LRMDA: variants seen among roughly 807,000 people sequenced by gnomAD.
LRMDA encodes leucine-rich melanocyte differentiation-associated protein.
In LRMDA, 18 loss-of-function variants were observed where a neutral mutation model predicts 29.8. The ratio of observed to expected loss-of-function variants is 0.60; its 90% CI spans 0.42 to 0.90. The LOEUF (loss-of-function observed/expected upper bound fraction) is 0.90. Among genes scored for constraint, LRMDA ranks in the 40% least tolerant of loss-of-function variants. The probability of loss-of-function intolerance (pLI) is 0.00; values close to 1 mark genes in which losing one functional copy is unlikely to be tolerated. For missense variants in LRMDA, 273 were observed against 273.9 expected (o/e 1.00, Z 0.02); for synonymous variants, 125 against 109.4 (o/e 1.14, Z -0.89).
chr10:75,922,793 C>A (rs995475876), intron 2 of LRMDA, among the ~76,000 whole-genome samples: 1 of 152,108 alleles, frequency 6.6e-6, no homozygotes, highest in African/African-American at 2.4e-5. Flanking sequence ...TGGATCTTAC[C>A]AAAGTACTCA....
intron 2 of LRMDA, among the ~76,000 whole-genome samples, chr10:75,684,592 T>C (rs892235921): frequency 5.1e-4 from 78 of 152,226 alleles, no homozygotes; most frequent in African/African-American, 1.6e-3. Context: ...AGGCAGTAGC[T>C]TAATGAAGAC....
Position 76,438,800 on chromosome 10 carries a change from GT to G in LRMDA, c.601+114318del, listed in dbSNP as rs574556193. ...AGTTAAGAAAGCTATTTCTCATGCCGTTTCATAAATTTGAATCCAAATGTAT... is the reference window on the plus strand; with the variant it reads ...AGTTAAGAAAGCTATTTCTCATGCCGTTCATAAATTTGAATCCAAATGTAT... On this transcript the variant is annotated intron_variant, in intron 6 of 6. Transcript: ENST00000611255. 7.8e-4 allele frequency: 119 copies of G among 152,186 alleles called. 1 individual carries two copies. The highest frequency in any genetic ancestry group is 3.4e-3 in the Middle Eastern group (1 of 294). 9.4% of individuals were successfully genotyped at this position (152,186 alleles called of 1,614,324 possible).
At chr10:76,284,411 G>A (rs1294043671) in intron 5 of LRMDA, among the ~76,000 whole-genome samples, 2 of 152,100 alleles carry the variant, frequency 1.3e-5, no homozygotes, top group African/African-American at 4.8e-5. Flanking sequence ...TAGGAGCTGG[G>A]AAAGGCAAGG....
intron 6 of LRMDA, among the ~76,000 whole-genome samples, chr10:76,440,890 A>G (rs1269510660): frequency 6.6e-6 from 1 of 152,194 alleles, no homozygotes. Context: ...TCTCCCCTTC[A>G]TCATGTGTCT....
At chr10:76,455,497 C>A (rs1439776433) in intron 6 of LRMDA, among the ~76,000 whole-genome samples, 2 of 152,052 alleles carry the variant, frequency 1.3e-5, no homozygotes, top group Non-Finnish European at 2.9e-5. Flanking sequence ...CCAGTAAAAA[C>A]ACTGATGGGC....
At chr10:75,725,815 G>T (rs1842624872) in intron 2 of LRMDA, among the ~76,000 whole-genome samples, 1 of 152,192 alleles carries the variant, frequency 6.6e-6, no homozygotes, top group Non-Finnish European at 1.5e-5. Context: ...GTTTGACTGG[G>T]TGGGAGGGCT....
At chr10:75,576,115 C>T (rs2132073437) in intron 2 of LRMDA, among the ~76,000 whole-genome samples, 1 of 152,348 alleles carries the variant, frequency 6.6e-6, no homozygotes, top group East Asian at 1.9e-4. Context: ...CTAAGATCCA[C>T]TGGCTTGAAA....
chr10:75,663,940 CAG>C (rs1841788223), intron 2 of LRMDA, among the ~76,000 whole-genome samples: 1 of 152,186 alleles, frequency 6.6e-6, no homozygotes, highest in Non-Finnish European at 1.5e-5. Context: ...AGAATATACT[CAG>C]GGGCCCATGT....
chr10:76,082,758 C>G (rs1460703605), intron 5 of LRMDA, among the ~76,000 whole-genome samples: 2 of 152,276 alleles, frequency 1.3e-5, no homozygotes, highest in African/African-American at 4.8e-5. Context: ...TACAGTAATT[C>G]TGGAGTACAG....
intron 5 of LRMDA, among the ~76,000 whole-genome samples, chr10:76,212,910 A>G (rs1851661672): frequency 6.6e-6 from 1 of 152,118 alleles, no homozygotes; most frequent in Non-Finnish European, 1.5e-5. Context: ...AATGTCCATA[A>G]ATTCAGTCCC....
chr10:75,726,323 G>C (rs963548446), intron 2 of LRMDA, among the ~76,000 whole-genome samples: 7 of 152,190 alleles, frequency 4.6e-5, no homozygotes, highest in Non-Finnish European at 1.0e-4. Flanking sequence ...TATAGTTAAG[G>C]ACAAGCTAGA....
chr10:76,418,099 C>T (rs184785945), intron 6 of LRMDA, among the ~76,000 whole-genome samples: 3 of 152,106 alleles, frequency 2.0e-5, no homozygotes, highest in Admixed American at 2.0e-4. Context: ...TATTGGCTAT[C>T]CTTGGCTCTT....
At chr10:76,554,825 G>A (rs920268045) in intron 6 of LRMDA, among the ~76,000 whole-genome samples, 10 of 151,858 alleles carry the variant, frequency 6.6e-5, no homozygotes, top group African/African-American at 2.4e-4. Context: ...TTGAATCCGT[G>A]AATGTACTGG....
chr10:76,153,352 T>C (rs1295767514), intron 5 of LRMDA, among the ~76,000 whole-genome samples: 1 of 152,240 alleles, frequency 6.6e-6, no homozygotes, highest in Non-Finnish European at 1.5e-5. Context: ...TTTTCTTTGA[T>C]GGCTTGTACT....
At chr10:76,300,731 A>T (rs1245179701) in intron 5 of LRMDA, among the ~76,000 whole-genome samples, 1 of 152,170 alleles carries the variant, frequency 6.6e-6, no homozygotes, top group South Asian at 2.1e-4. Context: ...AGTTACCTTA[A>T]TTTGCAACAG....
chr10:76,504,062 T>A (rs554795868), intron 6 of LRMDA, among the ~76,000 whole-genome samples: 1 of 152,014 alleles, frequency 6.6e-6, no homozygotes, highest in East Asian at 1.9e-4. Flanking sequence ...ATTTTTTTTA[T>A]TTCTGCCTTA....
At chr10:75,609,331 A>G (rs1270408424) in intron 2 of LRMDA, among the ~76,000 whole-genome samples, 1 of 152,186 alleles carries the variant, frequency 6.6e-6, no homozygotes, top group Non-Finnish European at 1.5e-5. Flanking sequence ...AGTGTCAAGT[A>G]CTGGGGTTCT....
intron 2 of LRMDA, among the ~76,000 whole-genome samples, chr10:75,650,988 T>C (rs1260431779): frequency 6.6e-6 from 1 of 152,154 alleles, no homozygotes; most frequent in African/African-American, 2.4e-5. Context: ...TCATTCACAT[T>C]GTTGTGAAAA....
At chr10:75,912,676 T>C (rs1054085303) in intron 2 of LRMDA, among the ~76,000 whole-genome samples, 5 of 152,174 alleles carry the variant, frequency 3.3e-5, no homozygotes, top group Non-Finnish European at 5.9e-5. Context: ...GTTCTACTTA[T>C]TGATGGTTTG....
Sources: allele counts gnomAD v4.1 joint callset (sites outside exome capture counted in the v4.1 genomes callset), GRCh38; gene constraint gnomAD v4.1.1; transcripts MANE v1.5; gene names NCBI Gene and HGNC (gene_info 2026-07-23, HGNC 2026-07-21).